ADAMTS17: variants seen among roughly 807,000 people sequenced by gnomAD.
The protein encoded by ADAMTS17 is A disintegrin and metalloproteinase with thrombospondin motifs 17.
In ADAMTS17, 113 loss-of-function variants were observed where a neutral mutation model predicts 141.5. The ratio of observed to expected loss-of-function variants is 0.80; its 90% CI spans 0.69 to 0.93. The LOEUF is 0.93. ADAMTS17 is among the 40% of genes least tolerant of loss of function. The probability of loss-of-function intolerance (pLI) is 0.00; values close to 1 mark genes in which losing one functional copy is unlikely to be tolerated. For synonymous variants in ADAMTS17, 768 were observed against 630.6 expected, an observed-to-expected ratio of 1.22 and a Z score of -3.27; for missense variants, 1,659 against 1,517.9, an observed-to-expected ratio of 1.09 and a Z score of -1.54.
At chr15:100,136,365 C>T (rs889452850) in intron 10 of ADAMTS17, among the ~76,000 whole-genome samples, 1 of 152,180 alleles carries the variant, frequency 6.6e-6, no homozygotes, top group African/African-American at 2.4e-5. Flanking sequence ...AGCACTGCAG[C>T]GTCTCATCCA....
chr15:100,278,482 CA>C (rs2044175083), intron 4 of ADAMTS17, among the ~76,000 whole-genome samples: 1 of 152,190 alleles, frequency 6.6e-6, no homozygotes, highest in African/African-American at 2.4e-5. Context: ...ATCCCTGGCC[CA>C]GGTCCCAGGG....
intron 12 of ADAMTS17, chr15:100,128,273 C>T (rs924929817): frequency 4.2e-4 from 64 of 152,144 alleles, no homozygotes; most frequent in African/African-American, 1.5e-3. Context: ...ACTGCAGGCC[C>T]ACAGCTAGCA....
In ADAMTS17 at chr15:100,246,867, TTTTA is replaced by T. The variant is rs10525188; in HGVS notation, c.1075+7265_1075+7268del. 7.5e-3 allele frequency among the ~76,000 whole-genome samples: 1,098 copies of T among 146,590 alleles called. 17 individuals carry two copies. The highest frequency in any genetic ancestry group is 0.023 in the African/African-American group (925 of 39,896). ...CTGTTCAAGTGGTTTGCCCTTTTAT[TTTTA>T]TTTATTTATTTATTTATTTATTTAT... On this transcript the variant is annotated intron_variant, in intron 7 of 21. Coordinates refer to ENST00000268070, the MANE Select transcript of ADAMTS17 (RefSeq NM_139057.4).
intron 15 of ADAMTS17, among the ~76,000 whole-genome samples, chr15:100,054,762 C>CA (rs2032428326): frequency 6.6e-6 from 1 of 152,218 alleles, no homozygotes; most frequent in Non-Finnish European, 1.5e-5. Context: ...TTCAGGTTCT[C>CA]ACGTTTGCTC....
chr15:100,179,014 A>T (rs1181802780), intron 8 of ADAMTS17, among the ~76,000 whole-genome samples: 2 of 152,090 alleles, frequency 1.3e-5, no homozygotes, highest in African/African-American at 4.8e-5. Flanking sequence ...GGTGCATGAG[A>T]TATTTTGATA....
chr15:100,316,441 A>G (rs1296089811), intron 3 of ADAMTS17, among the ~76,000 whole-genome samples: 1 of 152,076 alleles, frequency 6.6e-6, no homozygotes, highest in Non-Finnish European at 1.5e-5. Context: ...TTCTGTGCAC[A>G]CTCCAGTGTT....
intron 10 of ADAMTS17, among the ~76,000 whole-genome samples, chr15:100,150,186 T>A (rs1367760473): frequency 2.0e-5 from 3 of 152,220 alleles, no homozygotes; most frequent in African/African-American, 7.2e-5. Flanking sequence ...GATATGCATT[T>A]GGATTTTGAG....
intron 8 of ADAMTS17, among the ~76,000 whole-genome samples, chr15:100,158,404 T>A (rs974253350): frequency 1.3e-5 from 2 of 152,252 alleles, no homozygotes; most frequent in African/African-American, 4.8e-5. Flanking sequence ...ACTCTCAGTA[T>A]GAATTCTTTT....
chr15:100,197,255 G>T (rs2041154882), intron 8 of ADAMTS17, among the ~76,000 whole-genome samples: 1 of 152,250 alleles, frequency 6.6e-6, no homozygotes, highest in Non-Finnish European at 1.5e-5. Context: ...GCTGCTGGAT[G>T]CTGGCGTGGG....
At chr15:100,198,364 CCTT>C (rs2041199217) in intron 8 of ADAMTS17, among the ~76,000 whole-genome samples, 1 of 152,278 alleles carries the variant, frequency 6.6e-6, no homozygotes, top group African/African-American at 2.4e-5. Context: ...CTTTTATACT[CCTT>C]CTTAAACACT....
rs767159691 is a variant in ADAMTS17, at chr15:100,108,998, G to A, written c.2007C>T (p.Gly669=). The change falls in exon 14 of 22, where the codon GGC becomes GGT. Residue 669 remains glycine (G), a synonymous_variant. Coordinates refer to ENST00000268070, the MANE Select transcript of ADAMTS17 (RefSeq NM_139057.4). ...GPYETDLCVH[G]KCQKIGCDGI... is the part of the protein sequence containing the mutation. ...AGGAGAAGTACGTCACCTGGCACTT[G>A]CCGTGCACGCAGAGATCAGTCTCGT... 1 of 1,614,018 alleles carries A rather than the reference G, an allele frequency of 6.2e-7. No homozygotes were observed.
At chr15:100,214,803 A>G (rs2041918886) in intron 7 of ADAMTS17, among the ~76,000 whole-genome samples, 1 of 152,212 alleles carries the variant, frequency 6.6e-6, no homozygotes, top group South Asian at 2.1e-4. Flanking sequence ...AATTCCAAAT[A>G]CGCACAAGCG....
At chr15:100,241,770 T>G (rs1201599661) in intron 7 of ADAMTS17, among the ~76,000 whole-genome samples, 1 of 152,140 alleles carries the variant, frequency 6.6e-6, no homozygotes, top group Non-Finnish European at 1.5e-5. Context: ...TCAGTTCTTG[T>G]CTAACCATGA....
chr15:100,308,113 C>T (rs1454815185), intron 3 of ADAMTS17, among the ~76,000 whole-genome samples: 1 of 152,224 alleles, frequency 6.6e-6, no homozygotes, highest in Non-Finnish European at 1.5e-5. Flanking sequence ...TTTAAAACAA[C>T]TTTTCAATGA....
intron 12 of ADAMTS17, among the ~76,000 whole-genome samples, chr15:100,131,631 C>G (rs911736447): frequency 6.6e-6 from 1 of 152,190 alleles, no homozygotes; most frequent in Non-Finnish European, 1.5e-5. Flanking sequence ...CACTCTGTGA[C>G]TCATGAACCA....
intron 12 of ADAMTS17, among the ~76,000 whole-genome samples, chr15:100,120,118 G>A (rs745977640): frequency 6.6e-6 from 1 of 152,208 alleles, no homozygotes; most frequent in Non-Finnish European, 1.5e-5. Flanking sequence ...CCAACAGAGG[G>A]AATGATGTCG....
chr15:100,130,499 T>A (rs2037983468), intron 12 of ADAMTS17, among the ~76,000 whole-genome samples: 1 of 152,018 alleles, frequency 6.6e-6, no homozygotes, highest in African/African-American at 2.4e-5. Context: ...GCTGGGAAAA[T>A]GGTGCTCCTG....
intron 7 of ADAMTS17, among the ~76,000 whole-genome samples, chr15:100,213,780 G>A (rs2041882852): frequency 6.6e-6 from 1 of 152,214 alleles, no homozygotes; most frequent in Admixed American, 6.5e-5. Context: ...CTGTCAAGGG[G>A]CAGGTTTCTC....
intron 3 of ADAMTS17, among the ~76,000 whole-genome samples, chr15:100,318,923 GT>G (rs1274818117): frequency 6.6e-6 from 1 of 152,240 alleles, no homozygotes; most frequent in Non-Finnish European, 1.5e-5. Flanking sequence ...TGCATTCAGA[GT>G]TCAGGATACC....
Sources: allele counts gnomAD v4.1 joint callset (sites outside exome capture counted in the v4.1 genomes callset), GRCh38; gene constraint gnomAD v4.1.1; transcripts MANE v1.5; gene names NCBI Gene and HGNC (gene_info 2026-07-23, HGNC 2026-07-21).